The following TMPRSS4 variants were observed in gnomAD, a reference collection of about 807,000 sequenced individuals.
TMPRSS4 encodes the protein transmembrane protease serine 4.
TMPRSS4 carries 45 observed loss-of-function variants against 56.4 expected under a neutral mutation model. The observed-to-expected ratio is 0.80, with a 90% CI of 0.63 to 1.02. TMPRSS4 has a LOEUF of 1.02. TMPRSS4 is among the 50% of genes least tolerant of loss of function. The pLI is 0.00. For missense variants in TMPRSS4, 546 were observed against 556.7 expected (o/e 0.98, Z 0.19); for synonymous variants, 205 against 211.0 (o/e 0.97, Z 0.25).
rs11216746 is a variant in TMPRSS4, at chr11:118,097,082, A to G, written c.44-1903A>G. Among the ~76,000 whole-genome samples the G allele has an allele frequency of 2.1e-5, 2 of 96,554 alleles. 1 individual carries two copies. The highest frequency in any genetic ancestry group is 6.4e-5 in the African/African-American group (2 of 31,056). 63.3% of individuals were successfully genotyped at this position (96,554 alleles called of 152,430 possible). A position where few individuals can be genotyped will look rare whatever the true frequency, so the allele number is the denominator to read the frequency against. On this transcript the variant is annotated intron_variant, in intron 2 of 12. Transcript: ENST00000437212. ...GAAAGGAAAGGAGGTAGTAGAAGGG[A>G]CGTACTTAAGAGAGCAGAGCCAAGA...
At chr11:118,096,942 GAAAGAAAGGAAGGAAA>G (rs1565423031) in intron 2 of TMPRSS4, among the ~76,000 whole-genome samples, 11 of 79,912 alleles carry the variant, frequency 1.4e-4, no homozygotes, top group Non-Finnish European at 2.2e-4. Flanking sequence ...GAAAGAGAAA[GAAAGAAAGGAAGGAAA>G]GAAAGAAAGG....
chr11:118,117,853 C>T (rs1947643488), intron 12 of TMPRSS4, 49 bp from the exon 13 acceptor site: 2 of 1,613,940 alleles, frequency 1.2e-6, no homozygotes, highest in African/African-American at 1.3e-5. Context: ...ACCACTTTGT[C>T]CAGTTTCAGA....
intron 7 of TMPRSS4, among the ~76,000 whole-genome samples, chr11:118,110,647 A>T (rs911458145): frequency 1.1e-4 from 16 of 152,216 alleles, no homozygotes; most frequent in African/African-American, 3.9e-4. Flanking sequence ...TGCTGGGATT[A>T]CAGGCATGAG....
chr11:118,097,219 A>G (rs918524601), intron 2 of TMPRSS4, among the ~76,000 whole-genome samples: 3 of 152,188 alleles, frequency 2.0e-5, no homozygotes, highest in Admixed American at 6.5e-5. Flanking sequence ...TCTGTCTTCA[A>G]CGAGTCTTCA....
intron 4 of TMPRSS4, 61 bp downstream of exon 4, chr11:118,103,314 C>A (rs990382692): frequency 3.2e-6 from 5 of 1,576,604 alleles, no homozygotes; most frequent in African/African-American, 2.7e-5. Context: ...CTCAGGCCCC[C>A]ACGGCCCACT....
chr11:118,102,995 C>A, intron 3 of TMPRSS4, 106 bp from the exon 4 acceptor site: 1 of 1,453,742 alleles, frequency 6.9e-7, no homozygotes, highest in Middle Eastern at 1.8e-4. Flanking sequence ...CTGGAACTCA[C>A]ACATGCGTGT....
chr11:118,077,313 TG>T lies in TMPRSS4; in HGVS notation c.3+12del. ...GATCACAGAGCCAGCATGGTGAGTG[TG>T]GGGCCCTCTGCTCCCAAGACACAGG... is the stretch of plus-strand genomic sequence containing the variant. On this transcript the variant is annotated intron_variant, in intron 1 of 12. Coordinates refer to ENST00000437212, the MANE Select transcript of TMPRSS4 (RefSeq NM_019894.4). 1 of 1,598,722 alleles carries T rather than the reference TG, an allele frequency of 6.3e-7. No individual in the cohort carries two copies. The highest frequency in any genetic ancestry group is 8.5e-7 in the Non-Finnish European group (1 of 1,172,630).
At chr11:118,098,941 T>C (rs1382107848) in intron 2 of TMPRSS4, 44 bp from the exon 3 acceptor site, 1 of 1,505,284 alleles carries the variant, frequency 6.6e-7, no homozygotes. Context: ...GATCACCAAG[T>C]GCTGACTGCA....
Position 118,119,260 on chromosome 11 carries a change from G to T in TMPRSS4, c.*1347G>T. On this transcript the variant is annotated 3_prime_UTR_variant, in exon 13 of 13. Coordinates refer to ENST00000437212, the MANE Select transcript of TMPRSS4 (RefSeq NM_019894.4). ...GACCTATATGAAGGCTGGCAGTGGAGCTAAACCTGGACACACTGAAGACAA... is the reference window on the plus strand; with the variant it reads ...GACCTATATGAAGGCTGGCAGTGGATCTAAACCTGGACACACTGAAGACAA... The T allele has an allele frequency of 1.0e-6, 1 of 985,434 alleles. No individual in the cohort carries two copies. The highest frequency in any genetic ancestry group is 4.7e-5 in the South Asian group (1 of 21,286). 61.0% of individuals were successfully genotyped at this position (985,434 alleles called of 1,614,324 possible).
At chr11:118,097,504 C>T (rs1190561083) in intron 2 of TMPRSS4, among the ~76,000 whole-genome samples, 1 of 152,166 alleles carries the variant, frequency 6.6e-6, no homozygotes, top group African/African-American at 2.4e-5. Flanking sequence ...CTTGCCCCAT[C>T]TCCCCCAGGG....
At chr11:118,096,192 A>C (rs1321081041) in intron 2 of TMPRSS4, among the ~76,000 whole-genome samples, 1 of 152,266 alleles carries the variant, frequency 6.6e-6, no homozygotes, top group Non-Finnish European at 1.5e-5. Flanking sequence ...GAACTTTAAA[A>C]ACAGTATTGG....
chr11:118,105,871 T>C (rs554912765), intron 5 of TMPRSS4: 1 of 152,360 alleles, frequency 6.6e-6, no homozygotes, highest in African/African-American at 2.4e-5. Flanking sequence ...AAAGTCCTTT[T>C]CAGTAAATGC....
At chr11:118,091,026 C>G (rs1306180497) in intron 1 of TMPRSS4, among the ~76,000 whole-genome samples, 2 of 152,114 alleles carry the variant, frequency 1.3e-5, no homozygotes, top group Admixed American at 6.5e-5. Context: ...TCAATGAATG[C>G]AGGCATGCAT....
At chr11:118,084,601 T>G (rs1163808560) in intron 1 of TMPRSS4, among the ~76,000 whole-genome samples, 2 of 152,222 alleles carry the variant, frequency 1.3e-5, no homozygotes, top group African/African-American at 4.8e-5. Context: ...ACCCTGCCCC[T>G]GTACAGAACC....
chr11:118,086,089 C>G (rs1328168032), intron 1 of TMPRSS4, among the ~76,000 whole-genome samples: 2 of 152,268 alleles, frequency 1.3e-5, no homozygotes, highest in African/African-American at 4.8e-5. Context: ...TGTACAAATA[C>G]CTCACTCCTG....
downstream of TMPRSS4, chr11:118,125,377 G>A (rs754390139): frequency 4.2e-5 from 19 of 455,838 alleles, 1 homozygote; most frequent in South Asian, 1.9e-4. Flanking sequence ...ATGGAGCTAC[G>A]GTCAGCTCGG....
chr11:118,079,222 C>T (rs774182711), intron 1 of TMPRSS4, among the ~76,000 whole-genome samples: 4 of 152,134 alleles, frequency 2.6e-5, no homozygotes, highest in African/African-American at 4.8e-5. Flanking sequence ...TAAGCCTGTG[C>T]TTAATAACCC....
At chr11:118,081,869 C>T (rs927075295) in intron 1 of TMPRSS4, among the ~76,000 whole-genome samples, 6 of 152,200 alleles carry the variant, frequency 3.9e-5, no homozygotes, top group African/African-American at 1.4e-4. Context: ...CAGTTTTGTG[C>T]ACTCCATAGA....
chr11:118,080,921 A>T (rs1263850911), intron 1 of TMPRSS4, among the ~76,000 whole-genome samples: 2 of 152,200 alleles, frequency 1.3e-5, no homozygotes, highest in African/African-American at 4.8e-5. Context: ...CCAAGCAAGG[A>T]TTCCCTGGGA....
Sources: allele counts gnomAD v4.1 joint callset (sites outside exome capture counted in the v4.1 genomes callset), GRCh38; gene constraint gnomAD v4.1.1; transcripts MANE v1.5; gene names NCBI Gene and HGNC (gene_info 2026-07-23, HGNC 2026-07-21).